SMOC2: variants seen among roughly 807,000 people sequenced by gnomAD.
The protein encoded by SMOC2 is SPARC-related modular calcium-binding protein 2.
In SMOC2, 39 loss-of-function variants were observed where a neutral mutation model predicts 61.4. The ratio of observed to expected loss-of-function variants is 0.64; its 90% confidence interval spans 0.49 to 0.83. The LOEUF is 0.83. SMOC2 is among the 40% of genes least tolerant of loss of function. The probability of loss-of-function intolerance (pLI) is 0.00; values close to 1 mark genes in which losing one functional copy is unlikely to be tolerated. For synonymous variants in SMOC2, 247 were observed against 239.9 expected (o/e 1.03, Z -0.27); for missense variants, 556 against 592.9 (o/e 0.94, Z 0.65).
chr6:168,530,730 G>C (rs1783575731), intron 4 of SMOC2, among the ~76,000 whole-genome samples: 2 of 151,718 alleles, frequency 1.3e-5, no homozygotes, highest in Admixed American at 1.3e-4. Flanking sequence ...TGCGGGTGTG[G>C]TGGGAACTGG....
intron 1 of SMOC2, among the ~76,000 whole-genome samples, chr6:168,467,315 T>G (rs910002279): frequency 6.6e-5 from 10 of 151,554 alleles, no homozygotes; most frequent in Admixed American, 6.6e-4. Flanking sequence ...CTAAGGTTTT[T>G]TTTTTTTCAG....
At chr6:168,547,265 C>CT in intron 6 of SMOC2, 96 bp downstream of exon 6, 2 of 1,038,630 alleles carry the variant, frequency 1.9e-6, no homozygotes, top group Non-Finnish European at 3.0e-6. Context: ...GTTAGAGCTC[C>CT]GTTCAGTATG....
At chr6:168,487,413 T>C (rs533375805) in intron 1 of SMOC2, among the ~76,000 whole-genome samples, 1 of 152,358 alleles carries the variant, frequency 6.6e-6, no homozygotes, top group Non-Finnish European at 1.5e-5. Flanking sequence ...GAATTGCTTC[T>C]ATATGGTGCA....
intron 7 of SMOC2, among the ~76,000 whole-genome samples, chr6:168,584,613 A>G (rs1218326126): frequency 1.3e-5 from 2 of 151,646 alleles, no homozygotes; most frequent in Middle Eastern, 3.2e-3. Flanking sequence ...ATTGAGTCTG[A>G]TATACTATTC....
At chr6:168,586,650 T>C (rs1440500107) in intron 7 of SMOC2, among the ~76,000 whole-genome samples, 3 of 152,248 alleles carry the variant, frequency 2.0e-5, no homozygotes. Flanking sequence ...GTTCTAATTT[T>C]TTCAGCAATG....
At chr6:168,589,076 CAAAAAAAAAAA>C (rs35958554) in intron 7 of SMOC2, among the ~76,000 whole-genome samples, 2 of 89,902 alleles carry the variant, frequency 2.2e-5, no homozygotes, top group African/African-American at 8.7e-5. Flanking sequence ...GAATTCGTCT[CAAAAAAAAAAA>C]AAAAAAAAAG....
At chr6:168,481,663 C>A (rs914324474) in intron 1 of SMOC2, among the ~76,000 whole-genome samples, 2 of 151,796 alleles carry the variant, frequency 1.3e-5, no homozygotes, top group African/African-American at 4.8e-5. Flanking sequence ...AAAGTACATC[C>A]CTTTTATCAG....
intron 1 of SMOC2, among the ~76,000 whole-genome samples, chr6:168,464,956 T>C (rs1781795408): frequency 6.6e-6 from 1 of 152,352 alleles, no homozygotes; most frequent in East Asian, 1.9e-4. Flanking sequence ...GAAGCACCAG[T>C]GTCTGAGAAG....
Position 168,599,022 on chromosome 6 carries a change from A to ACC in SMOC2, c.824+25_824+26dup, listed in dbSNP as rs558894070. The ACC allele has an allele frequency of 9.8e-6, 15 of 1,538,454 alleles. No individual in the cohort carries two copies. Among genetic ancestry groups the ACC allele is most frequent in the African/African-American group, 2.8e-5 (2 of 71,548 alleles). On this transcript the variant is annotated intron_variant, in intron 8 of 12. Transcript: ENST00000356284. ...TCCACAAGGTAAATAGGGTGCACCC[A>ACC]CCCCCCCCGGGACCATGGGAGGCTT...
intron 8 of SMOC2, among the ~76,000 whole-genome samples, chr6:168,600,438 AAAAAAAAC>A (rs1412541988): frequency 1.3e-4 from 18 of 134,662 alleles, no homozygotes; most frequent in East Asian, 1.2e-3. Context: ...AAAAAACAAA[AAAAAAAAC>A]AGTAGTTTCA....
At chr6:168,639,081 G>A (rs184054048) in intron 9 of SMOC2, among the ~76,000 whole-genome samples, 5 of 152,280 alleles carry the variant, frequency 3.3e-5, no homozygotes, top group South Asian at 2.1e-4. Flanking sequence ...GCTTGGTTCC[G>A]ACATCCTAGC....
chr6:168,641,811 C>A lies in SMOC2; in HGVS notation c.908-8870C>A, dbSNP rs114527453. ...TTCTTTTCAGGCACTGACTTCTAACCAAGTGCCCACTTCTATCAGTGTATT... is the reference window on the plus strand; with the variant it reads ...TTCTTTTCAGGCACTGACTTCTAACAAAGTGCCCACTTCTATCAGTGTATT... On this transcript the variant is annotated intron_variant, in intron 9 of 12. Coordinates refer to ENST00000356284, the MANE Select transcript of SMOC2 (RefSeq NM_001166412.2). Among the ~76,000 whole-genome samples, 1,500 of 152,292 alleles carry A rather than the reference C, an allele frequency of 9.8e-3. 24 individuals are homozygous for A. The highest frequency in any genetic ancestry group is 0.034 in the African/African-American group (1,400 of 41,544).
In SMOC2 at chr6:168,577,143, A is replaced by G. The variant is rs372012164; in HGVS notation, c.638-21675A>G. 5.9e-5 allele frequency among the ~76,000 whole-genome samples: 9 copies of G among 152,288 alleles called. No individual in the cohort carries two copies. In the East Asian group the frequency reaches 1.7e-3, roughly 29 times the overall value. On this transcript the variant is annotated intron_variant, in intron 7 of 12. Coordinates refer to ENST00000356284, the MANE Select transcript of SMOC2 (RefSeq NM_001166412.2). ...AAACATGCTTTCTTCTCATCTCTGT[A>G]AGACTCTGCTGGACCAGGACGCCAT... is the stretch of plus-strand genomic sequence containing the variant.
intron 11 of SMOC2, 43 bp from the exon 12 acceptor site, chr6:168,664,031 T>C (rs1270016235): frequency 1.3e-6 from 2 of 1,526,146 alleles, no homozygotes; most frequent in African/African-American, 1.4e-5. Flanking sequence ...CATTAAATAA[T>C]GAGTCTCTGA....
intron 11 of SMOC2, among the ~76,000 whole-genome samples, chr6:168,662,631 T>C (rs996340884): frequency 3.9e-5 from 6 of 152,344 alleles, no homozygotes; most frequent in African/African-American, 1.4e-4. Context: ...TGGAATGTTT[T>C]AGAGGACTGC....
intron 1 of SMOC2, among the ~76,000 whole-genome samples, chr6:168,497,192 G>T (rs887501735): frequency 1.1e-4 from 16 of 152,364 alleles, no homozygotes; most frequent in African/African-American, 3.6e-4. Context: ...GCCCATGACT[G>T]GGTTCTCCTT....
chr6:168,451,377 A>G (rs564304099), intron 1 of SMOC2, among the ~76,000 whole-genome samples: 7 of 152,300 alleles, frequency 4.6e-5, no homozygotes, highest in African/African-American at 1.7e-4. Context: ...TGCGAAGGCT[A>G]TTTTCTGGAA....
intron 9 of SMOC2, among the ~76,000 whole-genome samples, chr6:168,639,287 CT>C (rs1583179654): frequency 6.6e-6 from 1 of 152,358 alleles, no homozygotes; most frequent in East Asian, 1.9e-4. Context: ...AGGACCCGAC[CT>C]TCTGTTGCTC....
chr6:168,445,630 T>C (rs1330260679), intron 1 of SMOC2, among the ~76,000 whole-genome samples: 2 of 152,332 alleles, frequency 1.3e-5, no homozygotes, highest in East Asian at 1.9e-4. Context: ...TGATTTTTTT[T>C]CCTTTCTTCT....
Sources: gnomAD v4.1 joint callset for allele counts (sites outside exome capture counted in the v4.1 genomes callset) on GRCh38, gnomAD v4.1.1 for gene constraint, MANE v1.5 for transcripts, NCBI Gene and HGNC (gene_info 2026-07-23, HGNC 2026-07-21) for gene names.